Variants in CAMTA1 observed in about 807,000 individuals in gnomAD.
CAMTA1 encodes calmodulin-binding transcription activator 1.
In CAMTA1, 27 loss-of-function variants were observed where a neutral mutation model predicts 170.9. The ratio of observed to expected loss-of-function variants is 0.16; its 90% CI spans 0.12 to 0.22. The LOEUF (loss-of-function observed/expected upper bound fraction) is 0.22, where lower values mean the gene tolerates loss of function less well. Among genes scored for constraint, CAMTA1 ranks in the 10% least tolerant of loss-of-function variants. The pLI is 1.00. For missense variants in CAMTA1, 1,619 were observed against 2,217.2 expected, an observed-to-expected ratio of 0.73 and a Z score of 5.42; for synonymous variants, 833 against 891.5, an observed-to-expected ratio of 0.93 and a Z score of 1.17.
chr1:7,288,704 C>G (rs942694045), intron 5 of CAMTA1, among the ~76,000 whole-genome samples: 2 of 152,178 alleles, frequency 1.3e-5, no homozygotes, highest in African/African-American at 2.4e-5. Context: ...CCGTGAGATC[C>G]CTGGTGCCCA....
intron 7 of CAMTA1, among the ~76,000 whole-genome samples, chr1:7,655,301 C>T (rs1456726222): frequency 6.7e-6 from 1 of 149,766 alleles, no homozygotes; most frequent in African/African-American, 2.5e-5. Flanking sequence ...CACACCTATA[C>T]ACACACACCG....
rs1462755951 is a variant in CAMTA1, at chr1:7,588,026, C to T, written c.511-52374C>T. Reference sequence around the variant, plus strand: ...TGCCTGGCCCTGGCCATTCATTCCTCGTTCAAGTGCGTGTGGCAGCCTCCA... The same window carrying T: ...TGCCTGGCCCTGGCCATTCATTCCTTGTTCAAGTGCGTGTGGCAGCCTCCA... On this transcript the variant is annotated intron_variant, in intron 6 of 22. Coordinates refer to ENST00000303635, the MANE Select transcript of CAMTA1 (RefSeq NM_015215.4). The surrounding 1 kb of genome is among the most constrained non-coding windows in gnomAD (Gnocchi z 5.8). Among the ~76,000 whole-genome samples the T allele has an allele frequency of 2.0e-5, 3 of 152,168 alleles. No individual in the cohort carries two copies. Among genetic ancestry groups the T allele is most frequent in the African/African-American group, 4.8e-5 (2 of 41,392 alleles).
intron 1 of CAMTA1, among the ~76,000 whole-genome samples, chr1:6,799,085 A>T (rs561304094): frequency 5.5e-4 from 84 of 151,880 alleles, no homozygotes; most frequent in African/African-American, 1.9e-3. Context: ...AATTAAAAAA[A>T]TTTTTTAGAG....
chr1:7,199,261 A>C (rs4908606), intron 4 of CAMTA1, among the ~76,000 whole-genome samples: 104,266 of 152,168 alleles, frequency 0.69, 36,901 homozygotes, highest in African/African-American at 0.87. Flanking sequence ...AAGCCTCCTC[A>C]TGTCTGACTG....
At chr1:7,553,010 G>A (rs2094824031) in intron 6 of CAMTA1, among the ~76,000 whole-genome samples, 3 of 152,218 alleles carry the variant, frequency 2.0e-5, no homozygotes, top group African/African-American at 7.2e-5. Context: ...GCTGCAATAG[G>A]AACAGCCGCA....
At chr1:7,292,321 A>G (rs909327073) in intron 5 of CAMTA1, among the ~76,000 whole-genome samples, 1 of 152,140 alleles carries the variant, frequency 6.6e-6, no homozygotes, top group Admixed American at 6.5e-5. Flanking sequence ...AAGTTCTTTG[A>G]AAGAACTTAT....
chr1:7,492,678 CACAA>C (rs1399734405), intron 6 of CAMTA1, among the ~76,000 whole-genome samples: 2 of 111,446 alleles, frequency 1.8e-5, no homozygotes, highest in Admixed American at 1.8e-4. Flanking sequence ...AACACACACA[CACAA>C]ACACAAACCT....
At chr1:7,630,085 G>A (rs2095658855) in intron 6 of CAMTA1, among the ~76,000 whole-genome samples, 1 of 152,164 alleles carries the variant, frequency 6.6e-6, no homozygotes, top group Non-Finnish European at 1.5e-5. Context: ...CATTTATAAT[G>A]ATTTTAAATA....
rs530667732 is a variant in CAMTA1 at position 7,634,304 on chromosome 1, G to A, written c.511-6096G>A. 2.0e-5 allele frequency among the ~76,000 whole-genome samples: 3 copies of A among 152,232 alleles called. No individual in the cohort carries two copies. The highest frequency in any genetic ancestry group is 2.9e-5 in the Non-Finnish European group (2 of 67,992). ...GGCAGAACTGGGTGATCGACTGGCC[G>A]TTGAGGGAGAGGGAGGGAAAATGAG... On this transcript the variant is annotated intron_variant, in intron 6 of 22. Coordinates refer to ENST00000303635, the MANE Select transcript of CAMTA1 (RefSeq NM_015215.4). This position sits in a 1 kb window ranked among gnomAD's most constrained non-coding sequence, Gnocchi z 6.2.
intron 6 of CAMTA1, among the ~76,000 whole-genome samples, chr1:7,474,937 G>A (rs1005039150): frequency 6.6e-6 from 1 of 152,310 alleles, no homozygotes; most frequent in Admixed American, 6.5e-5. Context: ...TGTGAGCTCG[G>A]TCATGGAAGG....
At chr1:7,433,158 T>A (rs1387814081) in intron 5 of CAMTA1, among the ~76,000 whole-genome samples, 1 of 152,198 alleles carries the variant, frequency 6.6e-6, no homozygotes, top group African/African-American at 2.4e-5. Flanking sequence ...GAGGGAGGAA[T>A]TGCCCAGGAA....
intron 1 of CAMTA1, among the ~76,000 whole-genome samples, chr1:6,816,729 AC>A (rs1645865243): frequency 6.6e-6 from 1 of 152,084 alleles, no homozygotes; most frequent in African/African-American, 2.4e-5. Flanking sequence ...GGAACACACC[AC>A]CGCGGCTCTG....
At chr1:7,242,785 A>T (rs1407980407) in intron 4 of CAMTA1, among the ~76,000 whole-genome samples, 1 of 150,056 alleles carries the variant, frequency 6.7e-6, no homozygotes, top group Non-Finnish European at 1.5e-5. Flanking sequence ...TAAATAAATA[A>T]ATAAATAAAT....
intron 3 of CAMTA1, among the ~76,000 whole-genome samples, chr1:6,961,276 G>A (rs543476336): frequency 1.4e-4 from 21 of 152,346 alleles, no homozygotes; most frequent in South Asian, 1.2e-3. Context: ...TAAGTAGCTT[G>A]CAGAAGGAGC....
intron 4 of CAMTA1, among the ~76,000 whole-genome samples, chr1:7,182,705 G>A (rs114228966): frequency 1.9e-3 from 296 of 152,204 alleles, no homozygotes; most frequent in African/African-American, 6.8e-3. Flanking sequence ...AGAAGTAAAG[G>A]GTTAATATCC....
chr1:7,484,741 A>G (rs1359022099), intron 6 of CAMTA1, among the ~76,000 whole-genome samples: 1 of 152,050 alleles, frequency 6.6e-6, no homozygotes, highest in Non-Finnish European at 1.5e-5. Context: ...GTGAGCTGAG[A>G]TCGCACCACT....
intron 18 of CAMTA1, among the ~76,000 whole-genome samples, chr1:7,747,118 C>T (rs1442961484): frequency 6.6e-6 from 1 of 152,140 alleles, no homozygotes; most frequent in African/African-American, 2.4e-5. Context: ...TGTCAACATA[C>T]TGTTGGTAAT....
intron 1 of CAMTA1, among the ~76,000 whole-genome samples, chr1:6,811,378 A>G (rs1645145997): frequency 6.6e-6 from 1 of 152,202 alleles, no homozygotes; most frequent in South Asian, 2.1e-4. Context: ...AGCTTATTAA[A>G]CTGGGCTTTA....
chr1:7,169,561 G>A (rs1649184454), intron 4 of CAMTA1, among the ~76,000 whole-genome samples: 1 of 152,142 alleles, frequency 6.6e-6, no homozygotes, highest in Non-Finnish European at 1.5e-5. Flanking sequence ...CTGGAGTGCA[G>A]TAGTGCAATC....
Sources: gnomAD v4.1 joint callset for allele counts (sites outside exome capture counted in the v4.1 genomes callset) on GRCh38, gnomAD v4.1.1 for gene constraint, Gnocchi (gnomAD v3.1) non-coding constraint, MANE v1.5 for transcripts, NCBI Gene and HGNC (gene_info 2026-07-23, HGNC 2026-07-21) for gene names.